Variants in DLAT observed in about 807,000 individuals in gnomAD.
DLAT encodes dihydrolipoamide S-acetyltransferase.
Under a neutral mutation model 68.0 loss-of-function variants are expected in DLAT, and 43 were observed. The observed-to-expected ratio is 0.63, with a 90% confidence interval of 0.50 to 0.81. The LOEUF is 0.81. DLAT is among the 40% of genes least tolerant of loss of function. The pLI is 0.00. For missense variants in DLAT, 745 were observed against 815.4 expected, an observed-to-expected ratio of 0.91 and a Z score of 1.05; for synonymous variants, 265 against 288.6, an observed-to-expected ratio of 0.92 and a Z score of 0.83.
intron 5 of DLAT, among the ~76,000 whole-genome samples, chr11:112,034,807 T>C (rs1398294567): frequency 2.0e-5 from 3 of 150,806 alleles, no homozygotes; most frequent in Non-Finnish European, 4.4e-5. Context: ...AGAGTTTTGC[T>C]CTGTCACCCA....
chr11:112,053,095 G>A (rs1038802152), intron 11 of DLAT, among the ~76,000 whole-genome samples: 1 of 152,134 alleles, frequency 6.6e-6, no homozygotes, highest in African/African-American at 2.4e-5. Flanking sequence ...GCCGAGGCAG[G>A]TGGATCACTT....
At chr11:112,028,368 G>C in intron 2 of DLAT, 147 bp from the exon 3 acceptor site, 2 of 888,258 alleles carry the variant, frequency 2.3e-6, no homozygotes, top group Non-Finnish European at 3.4e-6. Flanking sequence ...GCAATGAGCC[G>C]AGATTGCACC....
Position 112,028,608 on chromosome 11 carries a change from A to G in DLAT, c.475A>G (p.Ile159Val), listed in dbSNP as rs1862219571. The G allele has an allele frequency of 6.2e-7, 1 of 1,614,180 alleles. No homozygotes were observed. Among genetic ancestry groups the G allele is most frequent in the Non-Finnish European group, 8.5e-7 (1 of 1,180,026 alleles). The change falls in exon 3 of 14, where the codon ATC (isoleucine) becomes GTC (valine). Residue 159 changes from isoleucine to valine, a missense_variant. Physicochemically the swap from Ile to Val is conservative, Grantham distance 29. Transcript: ENST00000280346. ...LVAEGTRDVPIGAIICITVGK... is the reference protein window; with the variant it reads ...LVAEGTRDVPVGAIICITVGK... The stretch of plus-strand genomic sequence containing the variant: ...TGCTGAAGGTACCAGGGATGTTCCC[A>G]TCGGAGCGATCATCTGTATCACAGT...
rs1555180135 is a variant in DLAT, at chr11:112,033,516, A to T, written c.773A>T (p.Asp258Val). 2 of 1,613,886 alleles carry T rather than the reference A, an allele frequency of 1.2e-6. No homozygotes were observed. The highest frequency in any genetic ancestry group is 2.2e-5 in the South Asian group (2 of 91,018). The change falls in exon 5 of 14, where the codon GAC (aspartate) becomes GTC (valine). Residue 258 changes from aspartate (D) to valine (V), a missense_variant. Physicochemically the swap from Asp to Val is radical, Grantham distance 152. Coordinates refer to ENST00000280346, the MANE Select transcript of DLAT (RefSeq NM_001931.5). ...GACTTACTGGCAGAGATAGAAACTG[A>T]CAAAGCCACTATAGGTGAGATTTCT... ...EGDLLAEIETDKATIGFEVQE... is the reference protein window; with the variant it reads ...EGDLLAEIETVKATIGFEVQE...
rs1862230248 is a variant in DLAT, at chr11:112,028,799, G to A, written c.514G>A (p.Asp172Asn). 1.2e-6 allele frequency: 2 copies of A among 1,614,116 alleles called. No homozygotes were observed. Among genetic ancestry groups the A allele is most frequent in the Non-Finnish European group, 1.7e-6 (2 of 1,180,026 alleles). ...ATTCTTTCTCTTCCTTAGGCCTGAG[G>A]ATATTGAGGCCTTTAAAAATTATAC... ...IICITVGKPE[D>N]IEAFKNYTLD... Residue 172 changes from aspartate to asparagine, a missense_variant, in exon 4 of 14, where the codon GAT becomes AAT. Transcript: ENST00000280346.
chr11:112,042,175 T>G (rs1397771438), intron 7 of DLAT, among the ~76,000 whole-genome samples: 1 of 152,244 alleles, frequency 6.6e-6, no homozygotes, highest in Non-Finnish European at 1.5e-5. Flanking sequence ...TAGTCCAGTG[T>G]TGTTCCCTTT....
chr11:112,031,381 T>C (rs1377112550), intron 4 of DLAT, among the ~76,000 whole-genome samples: 1 of 152,178 alleles, frequency 6.6e-6, no homozygotes, highest in Non-Finnish European at 1.5e-5. Flanking sequence ...ATGGCTATTA[T>C]AAAAACAGGG....
intron 2 of DLAT, among the ~76,000 whole-genome samples, chr11:112,026,683 G>C (rs1323767625): frequency 6.6e-6 from 1 of 152,220 alleles, no homozygotes; most frequent in Non-Finnish European, 1.5e-5. Context: ...TCTTAGTACC[G>C]AGCAAAATGA....
intron 11 of DLAT, among the ~76,000 whole-genome samples, chr11:112,059,169 T>A (rs1221462414): frequency 6.6e-6 from 1 of 152,114 alleles, no homozygotes; most frequent in Non-Finnish European, 1.5e-5. Flanking sequence ...TCACTCTTCC[T>A]TTCATCTGCT....
chr11:112,055,312 C>T (rs1049189344), intron 11 of DLAT, among the ~76,000 whole-genome samples: 5 of 138,056 alleles, frequency 3.6e-5, no homozygotes, highest in Non-Finnish European at 7.6e-5. Context: ...GGCGCAATCT[C>T]GGCTCACTGC....
Position 112,060,899 on chromosome 11 carries a change from C to A in DLAT, c.1678-139C>A, listed in dbSNP as rs587683478. The A allele has an allele frequency of 5.9e-6, 4 of 682,684 alleles. No homozygotes were observed. In the East Asian group the frequency reaches 1.1e-4, roughly 19 times the overall value. 42.3% of individuals were successfully genotyped at this position (682,684 alleles called of 1,614,324 possible). On this transcript the variant is annotated intron_variant, in intron 12 of 13. Coordinates refer to ENST00000280346, the MANE Select transcript of DLAT (RefSeq NM_001931.5). Reference sequence around the variant, plus strand: ...TGTTCATATTGTAATGGTTGTATATCTTCAGTAATGTGTATTCCATTCAGG... The same window carrying A: ...TGTTCATATTGTAATGGTTGTATATATTCAGTAATGTGTATTCCATTCAGG...
chr11:112,049,618 C>T (rs587684136), intron 10 of DLAT, among the ~76,000 whole-genome samples: 15 of 149,030 alleles, frequency 1.0e-4, no homozygotes, highest in Admixed American at 4.7e-4. Flanking sequence ...GTGAGAAGGG[C>T]GGAAGAGTAG....
At chr11:112,036,141 GTATATA>G (rs1227067864) in intron 5 of DLAT, among the ~76,000 whole-genome samples, 3 of 134,386 alleles carry the variant, frequency 2.2e-5, no homozygotes, top group Non-Finnish European at 4.7e-5. Flanking sequence ...ATATGTGTGT[GTATATA>G]TATATATGTG....
At position 112,061,115 on chromosome 11, in the gene DLAT, A is replaced by G; in HGVS notation, c.1755A>G (p.Ala585=). ...NFSAIINPPQ[A]CILAIGASED... ...CTGCTATTATTAACCCACCTCAAGC[A>G]TGTATTTTGGCAATTGGTGCTTCAG... The change falls in exon 13 of 14, where the codon GCA becomes GCG. Residue 585 remains alanine, a synonymous_variant. Coordinates refer to ENST00000280346, the MANE Select transcript of DLAT (RefSeq NM_001931.5). 6.2e-7 allele frequency: 1 copy of G among 1,614,138 alleles called. No individual in the cohort carries two copies. Among genetic ancestry groups the G allele is most frequent in the Admixed American group, 1.7e-5 (1 of 60,014 alleles).
chr11:112,035,423 G>A (rs1290656684), intron 5 of DLAT, among the ~76,000 whole-genome samples: 1 of 152,082 alleles, frequency 6.6e-6, no homozygotes, highest in Admixed American at 6.6e-5. Context: ...CTAGTCACTA[G>A]AGAAGTGTTA....
chr11:112,036,920 G>A, intron 5 of DLAT: 1 of 276,020 alleles, frequency 3.6e-6, no homozygotes, highest in Non-Finnish European at 6.9e-6. Context: ...GACTGTCCTT[G>A]GAGATTTTTT....
intron 1 of DLAT, 38 bp from the exon 2 acceptor site, chr11:112,026,160 C>T: frequency 6.9e-7 from 1 of 1,457,816 alleles, no homozygotes; most frequent in Non-Finnish European, 9.6e-7. Context: ...GTTAGGTAGT[C>T]CTTAAAAATT....
At chr11:112,038,827 CAG>C (rs1325033601) in intron 6 of DLAT, among the ~76,000 whole-genome samples, 2 of 147,826 alleles carry the variant, frequency 1.4e-5, no homozygotes, top group African/African-American at 5.0e-5. Flanking sequence ...GCCTGGGTGA[CAG>C]AGCAAGACTC....
chr11:112,033,665 ATATTT>A (rs1324862301), intron 5 of DLAT, 135 bp downstream of exon 5: 5 of 992,438 alleles, frequency 5.0e-6, no homozygotes, highest in Non-Finnish European at 7.4e-6. Context: ...CTGGGACAGA[ATATTT>A]TATTTTTATT....
Sources: gnomAD v4.1 joint callset for allele counts (sites outside exome capture counted in the v4.1 genomes callset) on GRCh38, gnomAD v4.1.1 for gene constraint, MANE v1.5 for transcripts, NCBI Gene and HGNC (gene_info 2026-07-23, HGNC 2026-07-21) for gene names.